The following RBFOX1 variants were observed in gnomAD, a reference collection of about 807,000 sequenced individuals.
RBFOX1 encodes RNA binding fox-1 homolog 1, also known as RNA binding protein fox-1 homolog 1.
Under a neutral mutation model 57.7 loss-of-function variants are expected in RBFOX1, and 8 were observed. The ratio of observed to expected loss-of-function variants is 0.14; its 90% CI spans 0.08 to 0.25. The LOEUF (loss-of-function observed/expected upper bound fraction) is 0.25, where lower values mean the gene tolerates loss of function less well. Ranked by LOEUF, RBFOX1 falls within the 10% of genes least tolerant of loss-of-function variation. The pLI is 1.00. For missense variants in RBFOX1, 611 were observed against 548.5 expected (o/e 1.11, Z -1.14); for synonymous variants, 326 against 222.4 (o/e 1.47, Z -4.15).
chr16:7,139,176 C>CTGTGTGTGTGTGTGTGTGTGTG (rs1388063094), intron 4 of RBFOX1, among the ~76,000 whole-genome samples: 7 of 145,792 alleles, frequency 4.8e-5, no homozygotes, highest in African/African-American at 7.7e-5. Flanking sequence ...CAATCTCTCT[C>CTGTGTGTGTGTGTGTGTGTGTG]TGTGTGTGTG....
chr16:7,248,957 G>T (rs1388308678), intron 4 of RBFOX1, among the ~76,000 whole-genome samples: 1 of 152,156 alleles, frequency 6.6e-6, no homozygotes, highest in Non-Finnish European at 1.5e-5. Flanking sequence ...TTCTAGGAGA[G>T]GTCCCTTTGT....
At chr16:6,663,854 G>C (rs906822025) in intron 3 of RBFOX1, among the ~76,000 whole-genome samples, 2 of 152,238 alleles carry the variant, frequency 1.3e-5, no homozygotes, top group Admixed American at 1.3e-4. Flanking sequence ...GGAGTCTGGA[G>C]GTTGAGCATG....
rs143711732 is a variant in RBFOX1 at position 6,817,392 on chromosome 16, C to T, written c.-16+162742C>T. ...TTAGTGTCTCATGGTAGAAATAATT[C>T]AGTTTTAAAATTAACTTTTAGCTGG... On this transcript the variant is annotated intron_variant, in intron 3 of 15. Coordinates refer to ENST00000550418, the MANE Select transcript of RBFOX1 (RefSeq NM_018723.4). 2.0e-5 allele frequency among the ~76,000 whole-genome samples: 3 copies of T among 152,000 alleles called. No individual in the cohort carries two copies. The East Asian group carries it at 5.8e-4, about 29-fold the overall frequency.
intron 2 of RBFOX1, among the ~76,000 whole-genome samples, chr16:6,346,394 C>T (rs902930003): frequency 1.3e-5 from 2 of 152,182 alleles, no homozygotes; most frequent in African/African-American, 4.8e-5. Flanking sequence ...GAAAGCCTAA[C>T]TTGGGAATGT....
chr16:7,134,176 A>G (rs1196609024), intron 4 of RBFOX1, among the ~76,000 whole-genome samples: 4 of 152,134 alleles, frequency 2.6e-5, no homozygotes, highest in South Asian at 4.2e-4. Flanking sequence ...TGCATTTTTG[A>G]GGTTTCAGTA....
intron 3 of RBFOX1, among the ~76,000 whole-genome samples, chr16:6,928,257 C>T (rs113754602): frequency 1.2e-3 from 178 of 152,274 alleles, no homozygotes; most frequent in African/African-American, 4.1e-3. Context: ...GATCCCTGGG[C>T]ATCCAGATTT....
chr16:7,640,669 C>G (rs1354037258), intron 11 of RBFOX1, among the ~76,000 whole-genome samples: 1 of 152,052 alleles, frequency 6.6e-6, no homozygotes, highest in Non-Finnish European at 1.5e-5. Flanking sequence ...CCCTGGAAAC[C>G]CCAAGTCCTG....
At chr16:7,345,132 TTC>T (rs1189763876) in intron 4 of RBFOX1, among the ~76,000 whole-genome samples, 3 of 152,160 alleles carry the variant, frequency 2.0e-5, no homozygotes, top group African/African-American at 7.2e-5. Flanking sequence ...GAAATACACT[TTC>T]TGTTTTCCGT....
At chr16:6,897,334 C>T (rs2067191902) in intron 3 of RBFOX1, among the ~76,000 whole-genome samples, 1 of 152,168 alleles carries the variant, frequency 6.6e-6, no homozygotes, top group Admixed American at 6.5e-5. Context: ...ACCCAGGAGG[C>T]AGAGGTTGCA....
intron 4 of RBFOX1, among the ~76,000 whole-genome samples, chr16:5,938,632 A>G (rs1039951428): frequency 9.9e-5 from 15 of 152,136 alleles, no homozygotes; most frequent in Admixed American, 9.2e-4. Flanking sequence ...ATAGGATGCA[A>G]CAGACCTGAC....
At chr16:6,431,924 T>G (rs947163437) in intron 2 of RBFOX1, among the ~76,000 whole-genome samples, 409 of 127,642 alleles carry the variant, frequency 3.2e-3, no homozygotes, top group Middle Eastern at 0.015. Context: ...TTTCTTTCTT[T>G]CTTTCTTTCT....
chr16:5,325,488 C>T (rs946694381), intron 1 of RBFOX1, among the ~76,000 whole-genome samples: 2 of 152,028 alleles, frequency 1.3e-5, no homozygotes, highest in Non-Finnish European at 2.9e-5. Flanking sequence ...ATGTACGGTT[C>T]TATGAATTTT....
chr16:6,666,727 C>G (rs1316288720), intron 3 of RBFOX1, among the ~76,000 whole-genome samples: 1 of 152,116 alleles, frequency 6.6e-6, no homozygotes, highest in Non-Finnish European at 1.5e-5. Flanking sequence ...GGGCCTGACA[C>G]ACAGGTAAAC....
intron 4 of RBFOX1, among the ~76,000 whole-genome samples, chr16:6,013,851 C>T (rs917939171): frequency 6.6e-6 from 1 of 150,756 alleles, no homozygotes; most frequent in African/African-American, 2.4e-5. Context: ...TCTCAGCAAA[C>T]TATGGCAAGG....
At chr16:7,301,384 T>G (rs373065138) in intron 4 of RBFOX1, among the ~76,000 whole-genome samples, 13 of 152,312 alleles carry the variant, frequency 8.5e-5, no homozygotes, top group African/African-American at 3.1e-4. Context: ...ATAATTTTGA[T>G]GTGGATTTAG....
intron 3 of RBFOX1, among the ~76,000 whole-genome samples, chr16:6,687,873 A>G (rs1202868232): frequency 6.6e-6 from 1 of 152,202 alleles, no homozygotes; most frequent in African/African-American, 2.4e-5. Flanking sequence ...GAAGCACAAA[A>G]TGAATGATGA....
chr16:6,060,033 C>G (rs556233248), intron 1 of RBFOX1, among the ~76,000 whole-genome samples: 3 of 150,058 alleles, frequency 2.0e-5, no homozygotes, highest in Admixed American at 6.7e-5. Flanking sequence ...TTCTTTCCCA[C>G]TCTGTTTGTT....
At chr16:6,575,593 C>T (rs1006060997) in intron 2 of RBFOX1, among the ~76,000 whole-genome samples, 20 of 152,118 alleles carry the variant, frequency 1.3e-4, no homozygotes, top group African/African-American at 4.6e-4. Flanking sequence ...CACGGTGGCT[C>T]ATGCCTGTAA....
intron 4 of RBFOX1, among the ~76,000 whole-genome samples, chr16:7,515,143 G>A (rs1356538968): frequency 6.6e-6 from 1 of 152,048 alleles, no homozygotes; most frequent in Non-Finnish European, 1.5e-5. Context: ...AACATTTCTG[G>A]GGCTTTTCAT....
Sources: allele counts gnomAD v4.1 joint callset (sites outside exome capture counted in the v4.1 genomes callset), GRCh38; gene constraint gnomAD v4.1.1; transcripts MANE v1.5; gene names NCBI Gene and HGNC (gene_info 2026-07-23, HGNC 2026-07-21).